The following BMERB1 variants were observed in gnomAD, a reference collection of about 807,000 sequenced individuals.
The protein encoded by BMERB1 is bMERB domain containing 1.
In BMERB1, 12 loss-of-function variants were observed where a neutral mutation model predicts 23.6. The observed-to-expected ratio is 0.51, with a 90% CI of 0.33 to 0.82. BMERB1 has a LOEUF of 0.82. Ranked by LOEUF, BMERB1 falls within the 40% of genes least tolerant of loss-of-function variation. The pLI is 0.03. For synonymous variants in BMERB1, 122 were observed against 96.6 expected, an observed-to-expected ratio of 1.26 and a Z score of -1.54; for missense variants, 247 against 255.4, an observed-to-expected ratio of 0.97 and a Z score of 0.22.
rs566078362 is a variant in BMERB1, at chr16:15,581,506, A to T, written c.419+175A>T. The T allele has an allele frequency of 5.6e-6, 3 of 535,686 alleles. No individual in the cohort carries two copies. In the East Asian group the frequency reaches 9.1e-5, roughly 16 times the overall value. The allele number at this position is 535,686 out of a possible 1,614,324, so 33.2% of individuals were successfully genotyped here. On this transcript the variant is annotated intron_variant, in intron 4 of 5. Coordinates refer to ENST00000300006, the MANE Select transcript of BMERB1 (RefSeq NM_033201.3). ...CCCCAGCCTTCTGGCTTGAGAATTCATTTTGTATATAAGAGAATTTCAAAT... is the reference window on the plus strand; with the variant it reads ...CCCCAGCCTTCTGGCTTGAGAATTCTTTTTGTATATAAGAGAATTTCAAAT...
chr16:15,543,639 C>T (rs1177306734), intron 2 of BMERB1, among the ~76,000 whole-genome samples: 2 of 151,958 alleles, frequency 1.3e-5, no homozygotes, highest in Non-Finnish European at 2.9e-5. Flanking sequence ...TGGGCAACAT[C>T]ACAAGAACTC....
chr16:15,462,138 T>C (rs192266467), intron 1 of BMERB1, among the ~76,000 whole-genome samples: 2 of 8,010 alleles, frequency 2.5e-4, no homozygotes, highest in African/African-American at 6.2e-4. Flanking sequence ...ATGTCCTGCC[T>C]TTTTTTTTTT....
At chr16:15,540,779 C>CTAA (rs2052070891) in intron 2 of BMERB1, among the ~76,000 whole-genome samples, 1 of 152,184 alleles carries the variant, frequency 6.6e-6, no homozygotes, top group Non-Finnish European at 1.5e-5. Context: ...AGATGCTTAC[C>CTAA]GGCTGTGTGG....
chr16:15,564,530 A>G (rs1471957614), intron 2 of BMERB1, among the ~76,000 whole-genome samples: 1 of 152,372 alleles, frequency 6.6e-6, no homozygotes, highest in African/African-American at 2.4e-5. Context: ...TAAAGCGTCT[A>G]TAATTGGTTT....
chr16:15,476,955 C>T (rs1407145205), intron 1 of BMERB1, among the ~76,000 whole-genome samples: 3 of 152,156 alleles, frequency 2.0e-5, no homozygotes, highest in Non-Finnish European at 4.4e-5. Flanking sequence ...GCAGTTTTTC[C>T]ATCAGTCTTT....
At chr16:15,550,177 GATCC>G (rs2030044613) in intron 2 of BMERB1, among the ~76,000 whole-genome samples, 1 of 152,170 alleles carries the variant, frequency 6.6e-6, no homozygotes, top group South Asian at 2.1e-4. Flanking sequence ...CTGACCTCGT[GATCC>G]ACCCCGCCTC....
intron 5 of BMERB1, among the ~76,000 whole-genome samples, chr16:15,585,190 G>A (rs759940028): frequency 6.6e-6 from 1 of 152,228 alleles, no homozygotes; most frequent in African/African-American, 2.4e-5. Flanking sequence ...AGCATCCTCA[G>A]TGGACCCTTT....
intron 1 of BMERB1, among the ~76,000 whole-genome samples, chr16:15,442,845 A>G (rs564936983): frequency 2.0e-5 from 3 of 152,262 alleles, no homozygotes; most frequent in Admixed American, 1.3e-4. Flanking sequence ...ACTGTCTGTT[A>G]TTCTTGGTTC....
intron 1 of BMERB1, among the ~76,000 whole-genome samples, chr16:15,450,001 C>T (rs2051028090): frequency 6.6e-6 from 1 of 151,884 alleles, no homozygotes; most frequent in African/African-American, 2.4e-5. Flanking sequence ...ATCTTCCTGC[C>T]TTGACCTCCC....
At chr16:15,472,679 TC>T (rs77428970) in intron 1 of BMERB1, among the ~76,000 whole-genome samples, 33,514 of 152,082 alleles carry the variant, frequency 0.22, 4,396 homozygotes, top group East Asian at 0.34. Context: ...GATAATGTTT[TC>T]ATGTTCATTT....
At chr16:15,448,345 G>T (rs1381732604) in intron 1 of BMERB1, among the ~76,000 whole-genome samples, 1 of 152,172 alleles carries the variant, frequency 6.6e-6, no homozygotes. Context: ...GGAGTCTGCA[G>T]GAGCAGTGGG....
intron 1 of BMERB1, among the ~76,000 whole-genome samples, chr16:15,466,402 G>A (rs935805348): frequency 1.6e-4 from 25 of 151,894 alleles, no homozygotes; most frequent in African/African-American, 5.6e-4. Context: ...TCCTGAGGTC[G>A]TACCCTTTTG....
intron 2 of BMERB1, among the ~76,000 whole-genome samples, chr16:15,557,292 A>G (rs963514208): frequency 1.3e-5 from 2 of 152,198 alleles, no homozygotes; most frequent in Non-Finnish European, 2.9e-5. Context: ...CGGCAGCAGC[A>G]GAGTTTGATT....
intron 1 of BMERB1, among the ~76,000 whole-genome samples, chr16:15,455,334 AAAAG>A (rs1266204399): frequency 7.6e-5 from 10 of 131,780 alleles, no homozygotes; most frequent in Non-Finnish European, 8.9e-5. Flanking sequence ...AAAAAAAAAA[AAAAG>A]AAAAGAAAAG....
intron 1 of BMERB1, among the ~76,000 whole-genome samples, chr16:15,507,826 T>C (rs749299246): frequency 6.4e-4 from 97 of 152,128 alleles, no homozygotes; most frequent in Middle Eastern, 3.2e-3. Context: ...TTCATTAAGG[T>C]CCCTGGACAC....
At chr16:15,436,562 T>C (rs2050890026) in intron 1 of BMERB1, among the ~76,000 whole-genome samples, 1 of 152,018 alleles carries the variant, frequency 6.6e-6, no homozygotes, top group Non-Finnish European at 1.5e-5. Context: ...CCTGCCCTCT[T>C]TTAGTTATTT....
At chr16:15,545,065 C>T (rs536925217) in intron 2 of BMERB1, among the ~76,000 whole-genome samples, 19 of 152,244 alleles carry the variant, frequency 1.2e-4, no homozygotes, top group East Asian at 5.8e-4. Context: ...CTCTGCCCCC[C>T]GGGTTCAAGC....
chr16:15,459,685 A>G (rs765278402), intron 1 of BMERB1, among the ~76,000 whole-genome samples: 2 of 152,168 alleles, frequency 1.3e-5, no homozygotes, highest in African/African-American at 2.4e-5. Context: ...TTTCAGAACC[A>G]TACCTTGGAA....
At chr16:15,533,268 A>G (rs73499162) in intron 2 of BMERB1, 7,726 of 185,700 alleles carry the variant, frequency 0.042, 569 homozygotes, top group African/African-American at 0.15. Context: ...GGGGGAGATT[A>G]GAGGGTGGAA....
Sources: gnomAD v4.1 joint callset for allele counts (sites outside exome capture counted in the v4.1 genomes callset) on GRCh38, gnomAD v4.1.1 for gene constraint, MANE v1.5 for transcripts, NCBI Gene and HGNC (gene_info 2026-07-23, HGNC 2026-07-21) for gene names.